Variants in INTS11 observed in about 807,000 individuals in gnomAD.
The protein encoded by INTS11 is CPSF3-like protein.
A neutral mutation model predicts 78.6 loss-of-function variants in INTS11; 77 were observed. That is an observed-to-expected ratio of 0.98 (90% CI 0.81 to 1.18). The LOEUF is 1.18. Ranked by LOEUF, INTS11 falls within the 50% of genes most tolerant of loss-of-function variation. The pLI is 0.00. For missense variants in INTS11, 875 were observed against 825.9 expected, an observed-to-expected ratio of 1.06 and a Z score of -0.73; for synonymous variants, 441 against 326.9, an observed-to-expected ratio of 1.35 and a Z score of -3.77.
In INTS11 at chr1:1,314,373, G is replaced by A; in HGVS notation, c.703-8C>T. 1.2e-6 allele frequency: 2 copies of A among 1,603,438 alleles called. 1 individual carries two copies. The highest frequency in any genetic ancestry group is 2.2e-5 in the South Asian group (2 of 89,762). ...GAACACAGGTATCAGCACCTGAGGGGGACACAAGGCAGGAGCCCTGGGCAC... is the reference window on the plus strand; with the variant it reads ...GAACACAGGTATCAGCACCTGAGGGAGACACAAGGCAGGAGCCCTGGGCAC... On this transcript the variant is annotated splice_polypyrimidine_tract_variant and splice_region_variant and intron_variant, in intron 7 of 16. Transcript: ENST00000435064. This position sits in a 1 kb window ranked among gnomAD's most constrained non-coding sequence, Gnocchi z 4.2.
chr1:1,315,345 G>A, intron 6 of INTS11, 59 bp downstream of exon 6: 1 of 1,602,720 alleles, frequency 6.2e-7, no homozygotes, highest in Non-Finnish European at 8.5e-7. Flanking sequence ...CCTGACACCT[G>A]CAAGGGTCCT....
chr1:1,312,213 G>GGGGGGGGGGGGGCCCCCCCCCCCC lies in INTS11; in HGVS notation c.1607+12_1607+13insGGGGGGGGGGGGCCCCCCCCCCCC. Reference sequence around the variant, plus strand: ...CCCAAGGGAGTGGGGGGGGGGCGGGGCCGGGCGCCCACCTCTTGAGGTGGC... The same window carrying GGGGGGGGGGGGGCCCCCCCCCCCC: ...CCCAAGGGAGTGGGGGGGGGGCGGGGGGGGGGGGGGGGCCCCCCCCCCCCCCGGGCGCCCACCTCTTGAGGTGGC... On this transcript the variant is annotated intron_variant, in intron 15 of 16. Transcript: ENST00000435064. The GGGGGGGGGGGGGCCCCCCCCCCCC allele has an allele frequency of 2.1e-6, 2 of 934,582 alleles. No homozygotes were observed. The highest frequency in any genetic ancestry group is 3.1e-6 in the Non-Finnish European group (2 of 636,634). 57.9% of individuals were successfully genotyped at this position (934,582 alleles called of 1,614,324 possible). A position where few individuals can be genotyped will look rare whatever the true frequency, so the allele number is the denominator to read the frequency against.
chr1:1,315,105 G>T, intron 6 of INTS11, 143 bp from the exon 7 acceptor site: 1 of 1,060,040 alleles, frequency 9.4e-7, no homozygotes, highest in Non-Finnish European at 1.4e-6. Context: ...GTAAAATGCT[G>T]TGGGCAGCAC....
chr1:1,312,213 G>GGGGGGGCCCCCCCCC lies in INTS11; in HGVS notation c.1607+12_1607+13insGGGGGGGGGCCCCCC. 6 of 934,526 alleles carry GGGGGGGCCCCCCCCC rather than the reference G, an allele frequency of 6.4e-6. No individual in the cohort carries two copies. The highest frequency in any genetic ancestry group is 6.3e-6 in the Non-Finnish European group (4 of 636,578). The allele number at this position is 934,526 out of a possible 1,614,324, so 57.9% of individuals were successfully genotyped here. A position where few individuals can be genotyped will look rare whatever the true frequency, so the allele number is the denominator to read the frequency against. On this transcript the variant is annotated intron_variant, in intron 15 of 16. Transcript: ENST00000435064. ...CCCAAGGGAGTGGGGGGGGGGCGGGGCCGGGCGCCCACCTCTTGAGGTGGC... is the reference window on the plus strand; with the variant it reads ...CCCAAGGGAGTGGGGGGGGGGCGGGGGGGGGGCCCCCCCCCCCGGGCGCCCACCTCTTGAGGTGGC...
chr1:1,320,305 G>C (rs914515464), intron 3 of INTS11, 151 bp downstream of exon 3: 1 of 712,672 alleles, frequency 1.4e-6, no homozygotes. Context: ...TGACCAGTAA[G>C]GCAGGCAGGG....
chr1:1,323,362 G>C (rs1569580290), intron 1 of INTS11: 1 of 1,464,198 alleles, frequency 6.8e-7, no homozygotes, highest in Non-Finnish European at 9.2e-7. Context: ...TGAGACCCTG[G>C]ATTTTGACTA....
chr1:1,312,492 G>T lies in INTS11; in HGVS notation c.1412C>A (p.Pro471His). The change falls in exon 14 of 17, where the codon CCT (proline) becomes CAT (histidine). Residue 471 changes from proline (P) to histidine (H), a missense_variant. By Grantham distance (77) the Pro-to-His change is moderately conservative (BLOSUM62 -2). Coordinates refer to ENST00000435064, the MANE Select transcript of INTS11 (RefSeq NM_017871.6). ...CAGGAGCCGAGGCTTCTTGGCCTCA[G>T]GGAGCAGCCCTGCGGAGGAGGTGGC... ...LKREMAQGLL[P>H]EAKKPRLLHG... 1.9e-6 allele frequency: 3 copies of T among 1,581,080 alleles called. No individual in the cohort carries two copies. The highest frequency in any genetic ancestry group is 1.7e-6 in the Non-Finnish European group (2 of 1,164,180).
intron 10 of INTS11, 87 bp from the exon 11 acceptor site, chr1:1,313,211 G>T: frequency 6.9e-7 from 1 of 1,447,326 alleles, no homozygotes; most frequent in Non-Finnish European, 9.4e-7. Context: ...CTGAACCCCT[G>T]GAAGCTGTTT....
At chr1:1,321,188 G>C (rs550210585) in intron 1 of INTS11, 95 bp from the exon 2 acceptor site, 1 of 936,634 alleles carries the variant, frequency 1.1e-6, no homozygotes, top group Non-Finnish European at 1.7e-6. Flanking sequence ...TGAGGAAACC[G>C]GACCAAGTCT....
chr1:1,318,219 A>G (rs973883686), intron 4 of INTS11, among the ~76,000 whole-genome samples: 14 of 152,206 alleles, frequency 9.2e-5, no homozygotes, highest in Admixed American at 9.2e-4. Flanking sequence ...CCACACTCAT[A>G]TTCTTCAGGC....
At position 1,312,326 on chromosome 1, in the gene INTS11, C is replaced by G; in HGVS notation, c.1507G>C (p.Gly503Arg). 1 of 1,556,110 alleles carries G rather than the reference C, an allele frequency of 6.4e-7. No homozygotes were observed. Among genetic ancestry groups the G allele is most frequent in the Non-Finnish European group, 8.7e-7 (1 of 1,150,016 alleles). ...VSSEQALKELGLAEHQLRFTC... is the reference protein window; with the variant it reads ...VSSEQALKELRLAEHQLRFTC... ...AAGCGCAGCTGGTGCTCAGCCAGAC[C>G]CAGCTCTTTGAGGGCTTGCTCTGAG... Residue 503 changes from glycine to arginine, a missense_variant, in exon 15 of 17, where the codon GGT becomes CGT. Transcript: ENST00000435064.
At chr1:1,322,212 C>G (rs1306542712) in intron 1 of INTS11, among the ~76,000 whole-genome samples, 1 of 151,938 alleles carries the variant, frequency 6.6e-6, no homozygotes, top group Non-Finnish European at 1.5e-5. Flanking sequence ...GGCCCCGAGG[C>G]ATGGGGCCCG....
At position 1,320,145 on chromosome 1, in the gene INTS11, C is replaced by A. The variant is rs910581612; in HGVS notation, c.200+311G>T. 10 of 356,080 alleles carry A rather than the reference C, an allele frequency of 2.8e-5. No individual in the cohort carries two copies. In the East Asian group the frequency reaches 5.6e-4, roughly 20 times the overall value. The allele number at this position is 356,080 out of a possible 1,614,324, so 22.1% of individuals were successfully genotyped here. Reference sequence around the variant, plus strand: ...CTAAAGGCTGGGGTCAGGGCAGACTCGGGACTCTGGAATCGCCAACAAGAC... The same window carrying A: ...CTAAAGGCTGGGGTCAGGGCAGACTAGGGACTCTGGAATCGCCAACAAGAC... On this transcript the variant is annotated intron_variant, in intron 3 of 16. Coordinates refer to ENST00000435064, the MANE Select transcript of INTS11 (RefSeq NM_017871.6).
chr1:1,316,995 GCTCA>G (rs1308565297), intron 4 of INTS11: 2 of 152,042 alleles, frequency 1.3e-5, no homozygotes, highest in African/African-American at 2.4e-5. Flanking sequence ...CGCAATCATG[GCTCA>G]CTCAAACTCC....
rs368888950 is a variant in INTS11 at position 1,319,534 on chromosome 1, C to T, written c.201-10G>A. ...GTCCAGGTGGAAGTGGCTAGGGGGA[C>T]GCAGCACAGGTCAGCCTGGGCCCAC... On this transcript the variant is annotated splice_polypyrimidine_tract_variant and intron_variant, in intron 3 of 16. Transcript: ENST00000435064. 19 of 1,557,204 alleles carry T rather than the reference C, an allele frequency of 1.2e-5. No homozygotes were observed. The highest frequency in any genetic ancestry group is 5.4e-5 in the African/African-American group (4 of 74,182).
chr1:1,314,015 C>T lies in INTS11; in HGVS notation c.768-94G>A. On this transcript the variant is annotated intron_variant, in intron 8 of 16. Transcript: ENST00000435064. The surrounding 1 kb of genome is among the most constrained non-coding windows in gnomAD (Gnocchi z 4.2). Reference sequence around the variant, plus strand: ...GTCACCCCCAACACCCGTGTCTGCACAGCCCACGCACGGGCCAGGTTGAGT... The same window carrying T: ...GTCACCCCCAACACCCGTGTCTGCATAGCCCACGCACGGGCCAGGTTGAGT... The T allele has an allele frequency of 7.6e-7, 1 of 1,308,672 alleles. No homozygotes were observed. Among genetic ancestry groups the T allele is most frequent in the Non-Finnish European group, 1.1e-6 (1 of 928,186 alleles). The allele number at this position is 1,308,672 out of a possible 1,614,324, so 81.1% of individuals were successfully genotyped here.
intron 1 of INTS11, chr1:1,321,826 A>G: frequency 9.4e-7 from 1 of 1,069,196 alleles, no homozygotes; most frequent in Non-Finnish European, 1.2e-6. Flanking sequence ...GCCCGAGAGG[A>G]AAGGGTCACG....
In INTS11 at chr1:1,313,892, T is replaced by C. The variant is rs965415964; in HGVS notation, c.797A>G (p.Tyr266Cys). Residue 266 changes from tyrosine to cysteine, a missense_variant, in exon 9 of 17, where the codon TAC becomes TGC. Tyr to Cys is a radical substitution (Grantham distance 194). Transcript: ENST00000435064. The part of the protein sequence containing the change: ...WERMNLKVPI[Y>C]FSTGLTEKAN... ...CTTCTCGGTCAGCCCCGTGGAGAAG[T>C]AGATGGGCACCTTCAGGTTCATGCG... 3 of 1,612,776 alleles carry C rather than the reference T, an allele frequency of 1.9e-6. No homozygotes were observed. Among genetic ancestry groups the C allele is most frequent in the Non-Finnish European group, 2.5e-6 (3 of 1,179,878 alleles).
Position 1,323,248 on chromosome 1 carries a change from G to A in INTS11, c.28+1333C>T, listed in dbSNP as rs578032896. 1.6e-4 allele frequency: 245 copies of A among 1,550,336 alleles called. No homozygotes were observed. In the East Asian group the frequency reaches 3.7e-3, roughly 23 times the overall value. ...GGAAGGTGCCCTCGACCCCCTGCCC[G>A]GTGGAAGGACCAGGTTCCAGGACAG... On this transcript the variant is annotated intron_variant, in intron 1 of 16. Transcript: ENST00000435064.
Sources: gnomAD v4.1 joint callset for allele counts (sites outside exome capture counted in the v4.1 genomes callset) on GRCh38, gnomAD v4.1.1 for gene constraint, Gnocchi (gnomAD v3.1) non-coding constraint, MANE v1.5 for transcripts, NCBI Gene and HGNC (gene_info 2026-07-23, HGNC 2026-07-21) for gene names.